PTPRT: variants seen among roughly 807,000 people sequenced by gnomAD.
PTPRT encodes the protein receptor-type tyrosine-protein phosphatase T.
A neutral mutation model predicts 176.8 loss-of-function variants in PTPRT; 56 were observed. That is an observed-to-expected ratio of 0.32 (90% confidence interval 0.26 to 0.40). The LOEUF (loss-of-function observed/expected upper bound fraction) is 0.40, where lower values mean the gene tolerates loss of function less well. PTPRT is among the 10% of genes least tolerant of loss of function. The pLI is 1.00. For missense variants in PTPRT, 1,540 were observed against 1,908.2 expected, an observed-to-expected ratio of 0.81 and a Z score of 3.60; for synonymous variants, 783 against 739.0, an observed-to-expected ratio of 1.06 and a Z score of -0.96.
intron 1 of PTPRT, among the ~76,000 whole-genome samples, chr20:43,167,393 T>C (rs1309737945): frequency 3.9e-5 from 6 of 152,122 alleles, no homozygotes; most frequent in African/African-American, 7.2e-5. Flanking sequence ...CCTATGTCCA[T>C]AGAAGTGAAG....
At chr20:42,380,985 A>G (rs2058693557) in intron 9 of PTPRT, among the ~76,000 whole-genome samples, 1 of 152,158 alleles carries the variant, frequency 6.6e-6, no homozygotes, top group Non-Finnish European at 1.5e-5. Context: ...GAGCAGGCAC[A>G]TTTCACATGG....
chr20:42,915,487 C>A (rs1185017369), intron 1 of PTPRT, among the ~76,000 whole-genome samples: 2 of 152,162 alleles, frequency 1.3e-5, no homozygotes, highest in African/African-American at 4.8e-5. Context: ...CAGAGAGGAC[C>A]AGATTTGCCC....
Position 42,921,710 on chromosome 20 carries a change from C to T in PTPRT, c.89-35778G>A, listed in dbSNP as rs6030561. 9.2e-3 allele frequency among the ~76,000 whole-genome samples: 1,408 copies of T among 152,312 alleles called. 20 individuals are homozygous for T. The highest frequency in any genetic ancestry group is 0.032 in the African/African-American group (1,319 of 41,566). On this transcript the variant is annotated intron_variant, in intron 1 of 30. Transcript: ENST00000373187. ...GGGGAAGGAATTCTGTAATCTATAG[C>T]GGCAGCATCCGATCTCAGAACACTG... is the stretch of plus-strand genomic sequence containing the variant.
intron 6 of PTPRT, among the ~76,000 whole-genome samples, chr20:42,696,746 C>T (rs773903240): frequency 1.1e-4 from 17 of 152,066 alleles, no homozygotes; most frequent in Non-Finnish European, 1.6e-4. Context: ...TGAGCCACCC[C>T]GCCCGGCCAT....
At chr20:42,825,039 G>A (rs1458309054) in intron 2 of PTPRT, among the ~76,000 whole-genome samples, 1 of 152,044 alleles carries the variant, frequency 6.6e-6, no homozygotes, top group Non-Finnish European at 1.5e-5. Context: ...TATCAAATAA[G>A]CTAAGATTTT....
At chr20:42,154,459 C>T (rs1442391469) in intron 17 of PTPRT, among the ~76,000 whole-genome samples, 1 of 152,214 alleles carries the variant, frequency 6.6e-6, no homozygotes, top group Non-Finnish European at 1.5e-5. Context: ...CCACAAAAGC[C>T]ATACATATGG....
chr20:42,856,411 G>A (rs1029932152), intron 2 of PTPRT, among the ~76,000 whole-genome samples: 15 of 152,082 alleles, frequency 9.9e-5, no homozygotes, highest in African/African-American at 2.7e-4. Context: ...GGTTTCACAC[G>A]CAAAGATTTT....
intron 19 of PTPRT, among the ~76,000 whole-genome samples, chr20:42,120,368 A>G (rs920670804): frequency 1.3e-5 from 2 of 152,198 alleles, no homozygotes; most frequent in African/African-American, 4.8e-5. Context: ...ACAAGACCCT[A>G]TGGGACACCC....
intron 7 of PTPRT, among the ~76,000 whole-genome samples, chr20:42,511,414 A>T (rs1457676462): frequency 6.6e-6 from 1 of 152,126 alleles, no homozygotes; most frequent in Non-Finnish European, 1.5e-5. Context: ...GGGGAAGAGA[A>T]ACTCGAAGGA....
At chr20:42,222,211 C>T (rs1035444526) in intron 15 of PTPRT, among the ~76,000 whole-genome samples, 14 of 152,282 alleles carry the variant, frequency 9.2e-5, no homozygotes, top group East Asian at 3.9e-4. Context: ...CTTTGTTCCA[C>T]GGGTTTCTTC....
chr20:42,984,413 A>G (rs1294846947), intron 1 of PTPRT, among the ~76,000 whole-genome samples: 1 of 152,220 alleles, frequency 6.6e-6, no homozygotes, highest in Admixed American at 6.5e-5. Flanking sequence ...ATTATTTCTG[A>G]CACAAATACA....
intron 1 of PTPRT, among the ~76,000 whole-genome samples, chr20:43,076,080 A>G (rs1007986467): frequency 2.6e-5 from 4 of 152,230 alleles, no homozygotes; most frequent in African/African-American, 9.6e-5. Flanking sequence ...CACTACTATA[A>G]TTAGAAGAAG....
chr20:43,071,088 G>T (rs1239659923), intron 1 of PTPRT, among the ~76,000 whole-genome samples: 1 of 152,076 alleles, frequency 6.6e-6, no homozygotes, highest in Admixed American at 6.5e-5. Flanking sequence ...GCAAGGCAAG[G>T]AGGGACCAAA....
At chr20:43,159,068 G>A (rs907298321) in intron 1 of PTPRT, among the ~76,000 whole-genome samples, 2 of 152,032 alleles carry the variant, frequency 1.3e-5, no homozygotes, top group Non-Finnish European at 2.9e-5. Flanking sequence ...GTTAAGGAGA[G>A]GCCAAGTGAT....
At chr20:42,290,912 T>C (rs538021302) in intron 12 of PTPRT, among the ~76,000 whole-genome samples, 38 of 152,238 alleles carry the variant, frequency 2.5e-4, no homozygotes, top group African/African-American at 8.7e-4. Flanking sequence ...GCTGCTAACC[T>C]GATCAAGAAG....
intron 7 of PTPRT, among the ~76,000 whole-genome samples, chr20:42,553,121 G>A (rs757570141): frequency 5.9e-5 from 9 of 152,168 alleles, no homozygotes; most frequent in East Asian, 3.9e-4. Context: ...TTGCAATGAC[G>A]CATGTACAAC....
At chr20:42,722,611 G>A (rs966004647) in intron 6 of PTPRT, among the ~76,000 whole-genome samples, 2 of 152,126 alleles carry the variant, frequency 1.3e-5, no homozygotes, top group Non-Finnish European at 2.9e-5. Context: ...CACTCTGTCT[G>A]CTCTCTGTCC....
chr20:42,423,611 G>C (rs1330140514), intron 9 of PTPRT, among the ~76,000 whole-genome samples: 1 of 152,170 alleles, frequency 6.6e-6, no homozygotes, highest in African/African-American at 2.4e-5. Context: ...TCAGGGGGTT[G>C]TGCTGTTGAC....
Position 43,045,906 on chromosome 20 carries a change from G to C in PTPRT, c.88+143740C>G, listed in dbSNP as rs191163004. Reference sequence around the variant, plus strand: ...AGGGGAACCGAATTTAGATTCCATAGCTAAGAAATGTCTACTGAGCCAAAA... The same window carrying C: ...AGGGGAACCGAATTTAGATTCCATACCTAAGAAATGTCTACTGAGCCAAAA... On this transcript the variant is annotated intron_variant, in intron 1 of 30. Coordinates refer to ENST00000373187, the MANE Select transcript of PTPRT (RefSeq NM_007050.6). 1.8e-3 allele frequency among the ~76,000 whole-genome samples: 272 copies of C among 152,282 alleles called. 2 individuals are homozygous for C. The highest frequency in any genetic ancestry group is 0.01 in the South Asian group (50 of 4,824).
Sources: allele counts gnomAD v4.1 joint callset (sites outside exome capture counted in the v4.1 genomes callset), GRCh38; gene constraint gnomAD v4.1.1; transcripts MANE v1.5; gene names NCBI Gene and HGNC (gene_info 2026-07-23, HGNC 2026-07-21).